HMGB1: variants seen among roughly 807,000 people sequenced by gnomAD.
HMGB1 encodes the protein high mobility group box 1, also known as high mobility group protein B1.
For synonymous variants in HMGB1, 81 were observed against 84.0 expected (o/e 0.96, Z 0.19); for missense variants, 79 against 253.5 (o/e 0.31, Z 4.67).
intron 1 of HMGB1, among the ~76,000 whole-genome samples, chr13:30,531,507 T>G (rs1029823197): frequency 6.8e-5 from 9 of 132,600 alleles, no homozygotes; most frequent in African/African-American, 1.2e-4. Flanking sequence ...AGGTAACATA[T>G]ACGTGTGTGT....
chr13:30,512,695 G>A (rs1888018447), intron 1 of HMGB1, among the ~76,000 whole-genome samples: 1 of 152,182 alleles, frequency 6.6e-6, no homozygotes, highest in East Asian at 1.9e-4. Flanking sequence ...CTTCCACTCA[G>A]TAATAATAAT....
chr13:30,596,878 A>G (rs1593335637), intron 1 of HMGB1, among the ~76,000 whole-genome samples: 1 of 152,248 alleles, frequency 6.6e-6, no homozygotes, highest in Non-Finnish European at 1.5e-5. Context: ...ACTAGTACAA[A>G]CAAGTATTAC....
intron 1 of HMGB1, among the ~76,000 whole-genome samples, chr13:30,549,089 G>A (rs184380824): frequency 1.2e-4 from 19 of 152,156 alleles, no homozygotes; most frequent in Non-Finnish European, 2.4e-4. Context: ...TTGTGCCCAG[G>A]AGTTCAACAC....
intron 1 of HMGB1, among the ~76,000 whole-genome samples, chr13:30,508,692 A>C (rs1186367511): frequency 3.3e-5 from 5 of 152,104 alleles, no homozygotes; most frequent in Non-Finnish European, 4.4e-5. Flanking sequence ...TCATTTTGAC[A>C]ATCAGGGAGT....
intron 1 of HMGB1, among the ~76,000 whole-genome samples, chr13:30,492,307 C>T (rs1006517218): frequency 6.6e-6 from 1 of 150,758 alleles, no homozygotes; most frequent in Non-Finnish European, 1.5e-5. Context: ...CTGGGCAACA[C>T]AGTCAGCCTC....
At chr13:30,588,919 A>G (rs1360558377) in intron 1 of HMGB1, among the ~76,000 whole-genome samples, 1 of 152,104 alleles carries the variant, frequency 6.6e-6, no homozygotes, top group African/African-American at 2.4e-5. Context: ...TCTGTTTAAA[A>G]AAAAACGGTA....
intron 1 of HMGB1, among the ~76,000 whole-genome samples, chr13:30,565,527 T>C (rs1870149722): frequency 6.6e-6 from 1 of 152,228 alleles, no homozygotes; most frequent in South Asian, 2.1e-4. Flanking sequence ...CACTTCATAA[T>C]ACTGCCTGAA....
At chr13:30,550,097 A>G (rs1056731287) in intron 1 of HMGB1, among the ~76,000 whole-genome samples, 1 of 148,992 alleles carries the variant, frequency 6.7e-6, no homozygotes, top group Non-Finnish European at 1.5e-5. Context: ...ACTCTGGAAT[A>G]TGTGTATGTG....
intron 1 of HMGB1, among the ~76,000 whole-genome samples, chr13:30,593,972 G>A (rs4769041): frequency 0.54 from 81,568 of 152,162 alleles, 24,516 homozygotes; most frequent in African/African-American, 0.81. Flanking sequence ...TACAATAGTA[G>A]AGTATCAATG....
rs116491111 is a variant in HMGB1 at position 30,552,038 on chromosome 13, G to T, written c.-15+64633C>A. ...ATGCCCCAAGCGTCCTCAGGTATTGGTGTCCCTCTCACAAGCCCATCCCAG... is the reference window on the plus strand; with the variant it reads ...ATGCCCCAAGCGTCCTCAGGTATTGTTGTCCCTCTCACAAGCCCATCCCAG... On this transcript the variant is annotated intron_variant, in intron 1 of 4. Coordinates refer to the HMGB1 transcript ENST00000405805. Among the ~76,000 whole-genome samples, 533 of 152,122 alleles carry T rather than the reference G, an allele frequency of 3.5e-3. 1 individual carries two copies. The highest frequency in any genetic ancestry group is 0.012 in the African/African-American group (516 of 41,484).
At chr13:30,484,949 G>C (rs1208273893) in intron 1 of HMGB1, among the ~76,000 whole-genome samples, 1 of 152,060 alleles carries the variant, frequency 6.6e-6, no homozygotes, top group East Asian at 1.9e-4. Context: ...TCTCACAGCT[G>C]GGTAAATGTG....
rs751076834 is a variant in HMGB1, at chr13:30,515,312, C to T, written c.-14-51618G>A. 9.7e-4 allele frequency among the ~76,000 whole-genome samples: 148 copies of T among 152,180 alleles called. 3 individuals carry two copies. Among genetic ancestry groups the T allele is most frequent in the Non-Finnish European group, 1.7e-3 (118 of 68,032 alleles). ...GGATGTGAGCTCAATTTGGCCAACACCTTCATTTGGGCTTGTGTTCCCTTG... is the reference window on the plus strand; with the variant it reads ...GGATGTGAGCTCAATTTGGCCAACATCTTCATTTGGGCTTGTGTTCCCTTG... On this transcript the variant is annotated intron_variant, in intron 1 of 4. Coordinates refer to the HMGB1 transcript ENST00000405805.
At chr13:30,533,861 A>T (rs993910215) in intron 1 of HMGB1, among the ~76,000 whole-genome samples, 4 of 147,808 alleles carry the variant, frequency 2.7e-5, no homozygotes, top group Non-Finnish European at 4.5e-5. Context: ...CCTGGTAAAG[A>T]CTATCTTTTT....
At chr13:30,602,756 T>C (rs905678297) in intron 1 of HMGB1, among the ~76,000 whole-genome samples, 15 of 152,232 alleles carry the variant, frequency 9.9e-5, no homozygotes, top group African/African-American at 3.6e-4. Flanking sequence ...TTGTTCTTCC[T>C]CAAGAACAAA....
chr13:30,494,367 CTTTT>C (rs549003076), intron 1 of HMGB1, among the ~76,000 whole-genome samples: 1 of 147,368 alleles, frequency 6.8e-6, no homozygotes, highest in Non-Finnish European at 1.5e-5. Context: ...ATTTTAACCA[CTTTT>C]TTTTTTTGAG....
chr13:30,477,057 CAT>C (rs1387938500), intron 1 of HMGB1, among the ~76,000 whole-genome samples: 2 of 152,028 alleles, frequency 1.3e-5, no homozygotes, highest in Non-Finnish European at 1.5e-5. Context: ...CCACTAAAGC[CAT>C]ATGATCTTGC....
intron 1 of HMGB1, among the ~76,000 whole-genome samples, chr13:30,556,682 C>T (rs908213100): frequency 3.3e-5 from 5 of 152,150 alleles, no homozygotes; most frequent in Non-Finnish European, 1.5e-5. Context: ...TGCATGTTCT[C>T]ACTCATATGC....
rs1010731574 is a variant in HMGB1 at position 30,460,963 on chromosome 13, T to C, written c.*394A>G. ...ACAAAACAGCTGCAACTTTTTTTTT[T>C]TTTTTGCAATTACAGAGTGGTATTC... On this transcript the variant is annotated 3_prime_UTR_variant, in exon 5 of 5. Transcript: ENST00000341423. 119 of 772,626 alleles carry C rather than the reference T, an allele frequency of 1.5e-4. 1 individual carries two copies. The African/African-American group carries it at 2.1e-3, about 14-fold the overall frequency. The allele number at this position is 772,626 out of a possible 1,614,324, so 47.9% of individuals were successfully genotyped here.
At position 30,570,957 on chromosome 13, in the gene HMGB1, A is replaced by T. The variant is rs1870397977; in HGVS notation, c.-15+45714T>A. On this transcript the variant is annotated intron_variant, in intron 1 of 4. Coordinates refer to the HMGB1 transcript ENST00000405805. ...GCTTTCACTTTCATATTCTTGTAAG[A>T]TTTTTCACATAAATCAATTCTCAAA... 2.0e-5 allele frequency among the ~76,000 whole-genome samples: 3 copies of T among 152,216 alleles called. No individual in the cohort carries two copies. The South Asian group carries it at 6.2e-4, about 31-fold the overall frequency.
Sources: gnomAD v4.1 joint callset for allele counts (sites outside exome capture counted in the v4.1 genomes callset) on GRCh38, gnomAD v4.1.1 for gene constraint, MANE v1.5 for transcripts, NCBI Gene and HGNC (gene_info 2026-07-23, HGNC 2026-07-21) for gene names.